The following KLF12 variants were observed in gnomAD, a reference collection of about 807,000 sequenced individuals.
KLF12 encodes the protein KLF transcription factor 12, also known as Krueppel-like factor 12.
A neutral mutation model predicts 37.8 loss-of-function variants in KLF12; 9 were observed. The observed-to-expected ratio is 0.24, with a 90% CI of 0.14 to 0.42. The LOEUF (loss-of-function observed/expected upper bound fraction) is 0.42. Ranked by LOEUF, KLF12 falls within the 10% of genes least tolerant of loss-of-function variation. The probability of loss-of-function intolerance (pLI) is 1.00; values close to 1 mark genes in which losing one functional copy is unlikely to be tolerated. For missense variants in KLF12, 411 were observed against 516.0 expected, an observed-to-expected ratio of 0.80 and a Z score of 1.97; for synonymous variants, 208 against 202.1, an observed-to-expected ratio of 1.03 and a Z score of -0.25.
the KLF12 span, among the ~76,000 whole-genome samples, chr13:74,149,278 CAT>C: frequency 1.3e-5 from 2 of 152,212 alleles, no homozygotes; most frequent in African/African-American, 4.8e-5. Context: ...TAGCTATACT[CAT>C]GTGTATAATG....
intron 2 of KLF12, among the ~76,000 whole-genome samples, chr13:73,972,761 T>G (rs1417442397): frequency 6.6e-6 from 1 of 150,862 alleles, no homozygotes; most frequent in Non-Finnish European, 1.5e-5. Context: ...TCTAAAGACT[T>G]AATGAATCAC....
At chr13:73,841,645 G>T (rs186578110) in intron 4 of KLF12, among the ~76,000 whole-genome samples, 1 of 152,062 alleles carries the variant, frequency 6.6e-6, no homozygotes, top group Non-Finnish European at 1.5e-5. Context: ...TTTAGGGTTC[G>T]GTTTATAAAT....
At chr13:73,885,828 C>T (rs1887195576) in intron 3 of KLF12, among the ~76,000 whole-genome samples, 1 of 152,110 alleles carries the variant, frequency 6.6e-6, no homozygotes, top group African/African-American at 2.4e-5. Flanking sequence ...ATTTAGGAGA[C>T]AATTTGTGAA....
chr13:74,109,094 C>A (rs927354138), intron 1 of KLF12, among the ~76,000 whole-genome samples: 1 of 151,654 alleles, frequency 6.6e-6, no homozygotes, highest in African/African-American at 2.4e-5. Flanking sequence ...AAAATGCAAT[C>A]GAAAACAAAA....
the KLF12 span, among the ~76,000 whole-genome samples, chr13:74,169,041 A>C: frequency 6.6e-6 from 1 of 152,220 alleles, no homozygotes; most frequent in Non-Finnish European, 1.5e-5. Context: ...GTAGCTTCAA[A>C]GCAAGAGTCT....
At chr13:73,722,156 T>A (rs1448381562) in intron 6 of KLF12, among the ~76,000 whole-genome samples, 1 of 152,176 alleles carries the variant, frequency 6.6e-6, no homozygotes, top group Non-Finnish European at 1.5e-5. Flanking sequence ...TGAATTAACT[T>A]CTGCCACAGA....
intron 3 of KLF12, among the ~76,000 whole-genome samples, chr13:73,896,498 T>C (rs536109308): frequency 3.7e-4 from 57 of 152,282 alleles, no homozygotes; most frequent in African/African-American, 1.3e-3. Flanking sequence ...ACTGAGACAT[T>C]ACAAAAAGCT....
intron 1 of KLF12, among the ~76,000 whole-genome samples, chr13:74,035,698 G>T (rs373446788): frequency 6.6e-6 from 1 of 152,118 alleles, no homozygotes; most frequent in Non-Finnish European, 1.5e-5. Context: ...AAAGGGGAAT[G>T]AATTTTTCAT....
chr13:73,726,027 C>T (rs1004614056), intron 6 of KLF12, among the ~76,000 whole-genome samples: 6 of 152,028 alleles, frequency 3.9e-5, no homozygotes, highest in Non-Finnish European at 7.4e-5. Context: ...TGCCACCATG[C>T]CCAGCTAATT....
At chr13:74,184,497 T>C in the KLF12 span, among the ~76,000 whole-genome samples, 1 of 152,208 alleles carries the variant, frequency 6.6e-6, no homozygotes, top group South Asian at 2.1e-4. Flanking sequence ...ATCTTTAACA[T>C]GTATTTATGG....
At chr13:74,015,356 T>C (rs1033347321) in intron 1 of KLF12, among the ~76,000 whole-genome samples, 4 of 152,172 alleles carry the variant, frequency 2.6e-5, no homozygotes, top group African/African-American at 9.7e-5. Context: ...TCTTCTAATA[T>C]AAATGATGAG....
chr13:73,859,387 G>A lies in KLF12; in HGVS notation c.124-13014C>T, dbSNP rs77272095. ...ACATAGACCTGTAATCTAAACCTACGGGTAATTCCTAAGACTGAATCCACC... is the reference window on the plus strand; with the variant it reads ...ACATAGACCTGTAATCTAAACCTACAGGTAATTCCTAAGACTGAATCCACC... On this transcript the variant is annotated intron_variant, in intron 3 of 7. Transcript: ENST00000377669. Among the ~76,000 whole-genome samples, 954 of 152,216 alleles carry A rather than the reference G, an allele frequency of 6.3e-3. 8 individuals carry two copies. The highest frequency in any genetic ancestry group is 0.022 in the African/African-American group (894 of 41,542).
chr13:73,790,697 C>T (rs1339498306), intron 5 of KLF12, among the ~76,000 whole-genome samples: 1 of 152,216 alleles, frequency 6.6e-6, no homozygotes, highest in Non-Finnish European at 1.5e-5. Context: ...ACCAATTTCG[C>T]TAAGAAACCA....
chr13:73,766,188 T>C (rs1308016691), intron 5 of KLF12, among the ~76,000 whole-genome samples: 1 of 152,084 alleles, frequency 6.6e-6, no homozygotes, highest in Non-Finnish European at 1.5e-5. Context: ...GGAGGGGGTG[T>C]TAATTATGCA....
At chr13:73,959,869 G>A (rs981539297) in intron 2 of KLF12, among the ~76,000 whole-genome samples, 8 of 152,080 alleles carry the variant, frequency 5.3e-5, no homozygotes, top group Admixed American at 3.3e-4. Context: ...AAGATCAGAC[G>A]ATGGCAAACC....
At chr13:74,014,700 C>G (rs548872645) in intron 1 of KLF12, among the ~76,000 whole-genome samples, 1 of 152,300 alleles carries the variant, frequency 6.6e-6, no homozygotes, top group East Asian at 1.9e-4. Flanking sequence ...TCAGTGCCTT[C>G]GCAGTTCAAT....
the KLF12 span, among the ~76,000 whole-genome samples, chr13:74,200,762 T>C: frequency 6.6e-6 from 1 of 152,102 alleles, no homozygotes; most frequent in African/African-American, 2.4e-5. Context: ...TATACACCTC[T>C]GCTCCGGAAA....
At chr13:73,783,931 T>C (rs147027380) in intron 5 of KLF12, among the ~76,000 whole-genome samples, 208 of 152,222 alleles carry the variant, frequency 1.4e-3, no homozygotes, top group African/African-American at 4.7e-3. Context: ...GGTACACATA[T>C]GCTCCTGTCA....
At chr13:74,286,690 T>C in the KLF12 span, among the ~76,000 whole-genome samples, 1 of 152,204 alleles carries the variant, frequency 6.6e-6, no homozygotes, top group South Asian at 2.1e-4. Context: ...GCTCTGATCT[T>C]AATCCTGAGA....
Sources: allele counts gnomAD v4.1 joint callset (sites outside exome capture counted in the v4.1 genomes callset), GRCh38; gene constraint gnomAD v4.1.1; transcripts MANE v1.5; gene names NCBI Gene and HGNC (gene_info 2026-07-23, HGNC 2026-07-21).